RIN2: variants seen among roughly 807,000 people sequenced by gnomAD.
RIN2 encodes the protein Ras and Rab interactor 2.
A neutral mutation model predicts 78.0 loss-of-function variants in RIN2; 36 were observed. The observed-to-expected ratio is 0.46, with a 90% CI of 0.35 to 0.61. The LOEUF is 0.61. Ranked by LOEUF, RIN2 falls within the 20% of genes least tolerant of loss-of-function variation. RIN2 has a pLI of 0.00. For missense variants in RIN2, 1,087 were observed against 1,159.7 expected (o/e 0.94, Z 0.91); for synonymous variants, 466 against 466.8 (o/e 1.00, Z 0.02).
At chr20:19,849,568 C>G (rs1361463339) in intron 2 of RIN2, among the ~76,000 whole-genome samples, 1 of 152,116 alleles carries the variant, frequency 6.6e-6, no homozygotes, top group Non-Finnish European at 1.5e-5. Flanking sequence ...GTGGATACAG[C>G]TGCGTTGACA....
In RIN2 at chr20:20,000,897, C is replaced by A. The variant is rs2043124588; in HGVS notation, c.2649C>A (p.Ile883=). The A allele has an allele frequency of 3.7e-6, 6 of 1,613,338 alleles. No homozygotes were observed. Among genetic ancestry groups the A allele is most frequent in the African/African-American group, 1.3e-5 (1 of 74,930 alleles). The change falls in exon 13 of 13, where the codon ATC becomes ATA. Residue 883 remains isoleucine (I), a synonymous_variant. Transcript: ENST00000255006. ...GCATCAAGAACGATCCTTATGGCAT[C>A]ATTTTCCAGAACGGGGAAGAAGACC... ...YKRIKNDPYG[I]IFQNGEEDLT...
intron 11 of RIN2, among the ~76,000 whole-genome samples, chr20:19,993,680 G>GC (rs1362918524): frequency 6.6e-6 from 1 of 152,050 alleles, no homozygotes; most frequent in African/African-American, 2.4e-5. Context: ...AGCCTCCAAG[G>GC]CCCTCCCTGG....
intron 2 of RIN2, chr20:19,871,794 G>A (rs2037698403): frequency 6.6e-6 from 1 of 152,192 alleles, no homozygotes; most frequent in Admixed American, 6.5e-5. Flanking sequence ...CTGCCTAACA[G>A]GGACTATATT....
rs188364912 is a variant in RIN2 at position 19,805,757 on chromosome 20, T to C, written c.-37+6010T>C. ...ATTATACTTTAAGTTCTGGGGTACA[T>C]GTGCAGAACATGAAGGTTTGTTACA... On this transcript the variant is annotated intron_variant, in intron 2 of 12. Transcript: ENST00000255006. Among the ~76,000 whole-genome samples, 453 of 152,070 alleles carry C rather than the reference T, an allele frequency of 3.0e-3. 5 individuals carry two copies. Among genetic ancestry groups the C allele is most frequent in the African/African-American group, 0.01 (429 of 41,472 alleles).
chr20:19,877,860 A>C (rs1199219302), intron 2 of RIN2, among the ~76,000 whole-genome samples: 2 of 152,036 alleles, frequency 1.3e-5, no homozygotes, highest in Non-Finnish European at 2.9e-5. Context: ...CTCTACAAAA[A>C]AGTCAAAAAA....
In RIN2 at chr20:19,974,786, C is replaced by A. The variant is rs2042216086; in HGVS notation, c.761C>A (p.Thr254Asn). 3 of 1,613,922 alleles carry A rather than the reference C, an allele frequency of 1.9e-6. No homozygotes were observed. The highest frequency in any genetic ancestry group is 2.5e-6 in the Non-Finnish European group (3 of 1,179,912). ...ATAAATGGAGTGCATTCTATCAAAACCAGGACGCCTTCAGAGCTGGAGTGC... is the reference window on the plus strand; with the variant it reads ...ATAAATGGAGTGCATTCTATCAAAAACAGGACGCCTTCAGAGCTGGAGTGC... The part of the protein sequence containing the change: ...CLINGVHSIK[T>N]RTPSELECSQ... Residue 254 changes from threonine to asparagine, a missense_variant, in exon 9 of 13, where the codon ACC becomes AAC. Transcript: ENST00000255006.
intron 3 of RIN2, among the ~76,000 whole-genome samples, chr20:19,920,100 C>T (rs531964647): frequency 6.6e-6 from 1 of 152,146 alleles, no homozygotes; most frequent in East Asian, 1.9e-4. Context: ...CAAGACCATC[C>T]TGGCTAACAC....
chr20:19,904,222 A>C (rs1322107810), intron 3 of RIN2, among the ~76,000 whole-genome samples: 1 of 98,940 alleles, frequency 1.0e-5, no homozygotes, highest in Non-Finnish European at 2.2e-5. Context: ...ACAGAATGAG[A>C]CTTCGTCTCA....
At chr20:19,849,327 C>T (rs1184451510) in intron 2 of RIN2, among the ~76,000 whole-genome samples, 1 of 152,120 alleles carries the variant, frequency 6.6e-6, no homozygotes, top group Non-Finnish European at 1.5e-5. Flanking sequence ...CTCAGGCCTG[C>T]TCAGACAGAA....
intron 7 of RIN2, 114 bp from the exon 8 acceptor site, chr20:19,970,724 T>C: frequency 1.2e-6 from 1 of 805,514 alleles, no homozygotes; most frequent in Non-Finnish European, 2.1e-6. Flanking sequence ...TGGTATGGTG[T>C]CTACTTAGGA....
chr20:19,829,750 C>T (rs1453140428), intron 2 of RIN2, among the ~76,000 whole-genome samples: 1 of 152,188 alleles, frequency 6.6e-6, no homozygotes, highest in African/African-American at 2.4e-5. Context: ...AGAATCAGCC[C>T]ACCAAGGGGT....
intron 3 of RIN2, among the ~76,000 whole-genome samples, chr20:19,902,359 T>A (rs1436656406): frequency 2.0e-5 from 3 of 152,146 alleles, no homozygotes; most frequent in Non-Finnish European, 4.4e-5. Context: ...CATGGAGTGC[T>A]CCCTGGGCTG....
intron 3 of RIN2, among the ~76,000 whole-genome samples, chr20:19,903,162 ACT>A (rs766070709): frequency 1.3e-5 from 2 of 152,210 alleles, no homozygotes; most frequent in African/African-American, 4.8e-5. Context: ...TTCTTGAGTA[ACT>A]CTACAGGAGG....
At chr20:19,967,389 G>T (rs1224810725) in intron 7 of RIN2, among the ~76,000 whole-genome samples, 2 of 152,106 alleles carry the variant, frequency 1.3e-5, no homozygotes, top group African/African-American at 4.8e-5. Context: ...CTTGGCAATT[G>T]GTAGTTGATT....
intron 3 of RIN2, among the ~76,000 whole-genome samples, chr20:19,932,422 A>T (rs1012046695): frequency 7.2e-5 from 11 of 152,216 alleles, no homozygotes; most frequent in Non-Finnish European, 1.6e-4. Context: ...GACAAGGGGG[A>T]TCCTGTTTTC....
intron 2 of RIN2, among the ~76,000 whole-genome samples, chr20:19,831,500 A>G (rs1009894045): frequency 1.3e-5 from 2 of 152,228 alleles, no homozygotes; most frequent in African/African-American, 4.8e-5. Flanking sequence ...CTGAAAAATT[A>G]TTTCAATTTC....
chr20:19,824,018 CCGAAAGCCGAGAG>C, intron 2 of RIN2: 1 of 897,892 alleles, frequency 1.1e-6, no homozygotes, highest in South Asian at 1.6e-5. Context: ...CTCCTCCGAG[CCGAAAGCCGAGAG>C]AGCTGCTCTG....
intron 2 of RIN2, among the ~76,000 whole-genome samples, chr20:19,844,177 G>T (rs547655648): frequency 6.6e-6 from 1 of 152,142 alleles, no homozygotes; most frequent in Non-Finnish European, 1.5e-5. Flanking sequence ...GAAACAGTTT[G>T]TAATTTCAAG....
intron 3 of RIN2, among the ~76,000 whole-genome samples, chr20:19,912,677 C>T (rs2039526176): frequency 6.6e-6 from 1 of 151,856 alleles, no homozygotes; most frequent in Admixed American, 6.6e-5. Flanking sequence ...CGGGGTTTCA[C>T]CATGTTGGCC....
Sources: allele counts gnomAD v4.1 joint callset (sites outside exome capture counted in the v4.1 genomes callset), GRCh38; gene constraint gnomAD v4.1.1; transcripts MANE v1.5; gene names NCBI Gene and HGNC (gene_info 2026-07-23, HGNC 2026-07-21).